The following HECW1 variants were observed in gnomAD, a reference collection of about 807,000 sequenced individuals.
HECW1 encodes the protein E3 ubiquitin-protein ligase HECW1.
HECW1 carries 61 observed loss-of-function variants against 182.3 expected under a neutral mutation model. The ratio of observed to expected loss-of-function variants is 0.33; its 90% confidence interval spans 0.27 to 0.41. The LOEUF is 0.41. Among genes scored for constraint, HECW1 ranks in the 10% least tolerant of loss-of-function variants. The probability of loss-of-function intolerance (pLI) is 1.00; values close to 1 mark genes in which losing one functional copy is unlikely to be tolerated. For missense variants in HECW1, 1,739 were observed against 2,108.9 expected, an observed-to-expected ratio of 0.82 and a Z score of 3.44; for synonymous variants, 859 against 832.6, an observed-to-expected ratio of 1.03 and a Z score of -0.55.
chr7:43,426,753 G>A (rs1189108524), intron 8 of HECW1, among the ~76,000 whole-genome samples: 2 of 152,036 alleles, frequency 1.3e-5, no homozygotes, highest in Non-Finnish European at 2.9e-5. Flanking sequence ...GTTACATGAT[G>A]TTTGATTATC....
At chr7:43,222,361 G>T (rs1327981280) in intron 2 of HECW1, among the ~76,000 whole-genome samples, 1 of 152,150 alleles carries the variant, frequency 6.6e-6, no homozygotes, top group Non-Finnish European at 1.5e-5. Context: ...ATCTTTCAAA[G>T]ATTATGCAAA....
At position 43,432,233 on chromosome 7, in the gene HECW1, G is replaced by A. The variant is rs1426275296; in HGVS notation, c.802-5770G>A. 1.3e-5 allele frequency among the ~76,000 whole-genome samples: 2 copies of A among 148,998 alleles called. No homozygotes were observed. Among genetic ancestry groups the A allele is most frequent in the East Asian group, 2.0e-4 (1 of 5,054 alleles). ...CGGCTCACTGCAAGCTCCGCCTCCC[G>A]GGTTCACGCCATTCTCCTGCCTCAG... On this transcript the variant is annotated intron_variant, in intron 8 of 29. Coordinates refer to ENST00000395891, the MANE Select transcript of HECW1 (RefSeq NM_015052.5). This position sits in a 1 kb window ranked among gnomAD's most constrained non-coding sequence, Gnocchi z 4.1.
At chr7:43,490,172 G>GTATACT (rs1470560955) in intron 17 of HECW1, among the ~76,000 whole-genome samples, 1 of 152,182 alleles carries the variant, frequency 6.6e-6, no homozygotes, top group Non-Finnish European at 1.5e-5. Context: ...GCAACAAAGG[G>GTATACT]TTGAGTCTCA....
intron 2 of HECW1, among the ~76,000 whole-genome samples, chr7:43,144,635 G>C (rs1788505872): frequency 6.6e-6 from 1 of 152,128 alleles, no homozygotes; most frequent in African/African-American, 2.4e-5. Context: ...TGACTTGTGT[G>C]TCCCTTTGAT....
intron 1 of HECW1, chr7:43,113,536 T>C: frequency 5.8e-6 from 1 of 172,874 alleles, no homozygotes; most frequent in Non-Finnish European, 1.2e-5. Context: ...GTGTGGGTGC[T>C]CCCCCAGCGC....
At chr7:43,162,112 T>G (rs999792605) in intron 2 of HECW1, among the ~76,000 whole-genome samples, 8 of 152,256 alleles carry the variant, frequency 5.3e-5, no homozygotes, top group Non-Finnish European at 1.2e-4. Flanking sequence ...TATCCATTAG[T>G]GTGTCTTATC....
intron 3 of HECW1, among the ~76,000 whole-genome samples, chr7:43,285,039 T>C (rs112723902): frequency 2.6e-5 from 4 of 151,780 alleles, no homozygotes; most frequent in Non-Finnish European, 5.9e-5. Flanking sequence ...TTTGAATTTA[T>C]TAAGTGTAGT....
At chr7:43,359,282 C>A (rs1815562113) in intron 5 of HECW1, among the ~76,000 whole-genome samples, 1 of 152,092 alleles carries the variant, frequency 6.6e-6, no homozygotes, top group Admixed American at 6.5e-5. Context: ...AGGGAGGCTG[C>A]AAAATGTAGT....
At chr7:43,197,805 C>T (rs1794609088) in intron 2 of HECW1, among the ~76,000 whole-genome samples, 1 of 152,016 alleles carries the variant, frequency 6.6e-6, no homozygotes, top group South Asian at 2.1e-4. Flanking sequence ...TGCGGGACAG[C>T]TTGTGCAAAA....
intron 3 of HECW1, among the ~76,000 whole-genome samples, chr7:43,254,270 A>C (rs1025160975): frequency 1.3e-5 from 2 of 152,202 alleles, no homozygotes; most frequent in Admixed American, 6.5e-5. Context: ...CCAGTGGAGA[A>C]TCAATGACCA....
At chr7:43,213,610 T>C (rs1189344360) in intron 2 of HECW1, among the ~76,000 whole-genome samples, 1 of 151,938 alleles carries the variant, frequency 6.6e-6, no homozygotes, top group Admixed American at 6.6e-5. Context: ...CATGCCCAGC[T>C]AATTTTTTGT....
At chr7:43,461,097 C>T (rs1194629095) in intron 13 of HECW1, among the ~76,000 whole-genome samples, 1 of 152,252 alleles carries the variant, frequency 6.6e-6, no homozygotes, top group Non-Finnish European at 1.5e-5. Context: ...AACGTAGTGG[C>T]ATAAAACAAC....
At chr7:43,150,999 C>T (rs1789258935) in intron 2 of HECW1, 1 of 155,026 alleles carries the variant, frequency 6.5e-6, no homozygotes, top group South Asian at 2.0e-4. Flanking sequence ...CTGGACAGGC[C>T]TCCAGCTAAC....
chr7:43,117,689 A>G (rs1359317976), intron 2 of HECW1, among the ~76,000 whole-genome samples: 1 of 152,192 alleles, frequency 6.6e-6, no homozygotes, highest in African/African-American at 2.4e-5. Flanking sequence ...GCAAAGCAGC[A>G]TATTAGCAAT....
intron 2 of HECW1, among the ~76,000 whole-genome samples, chr7:43,223,389 G>C (rs372695838): frequency 6.6e-6 from 1 of 152,144 alleles, no homozygotes; most frequent in East Asian, 1.9e-4. Flanking sequence ...AGGCTGAGGC[G>C]GGCAGATCAC....
chr7:43,444,506 T>G lies in HECW1; in HGVS notation c.1334T>G (p.Val445Gly), dbSNP rs1584926681. The part of the protein sequence containing the change: ...PEGAGELLAQ[V>G]QKDIQPAPSA... The stretch of plus-strand genomic sequence containing the variant: ...GGGGCTGGGGAGCTCCTGGCCCAGG[T>G]GCAAAAGGACATCCAGCCTGCCCCC... The change falls in exon 11 of 30, where the codon GTG becomes GGG. Residue 445 changes from valine (V) to glycine (G), a missense_variant. By Grantham distance (109) the Val-to-Gly change is moderately radical. This residue lies in a region of HECW1 where 971 missense variants were observed against 1,029.1 expected (regional missense o/e 0.94). Transcript: ENST00000395891. This position sits in a 1 kb window ranked among gnomAD's most constrained non-coding sequence, Gnocchi z 4.3. 1 of 1,611,740 alleles carries G rather than the reference T, an allele frequency of 6.2e-7. No homozygotes were observed. Among genetic ancestry groups the G allele is most frequent in the South Asian group, 1.1e-5 (1 of 90,724 alleles).
intron 13 of HECW1, among the ~76,000 whole-genome samples, chr7:43,458,331 A>T (rs970743094): frequency 3.9e-5 from 6 of 152,224 alleles, no homozygotes; most frequent in Admixed American, 3.9e-4. Flanking sequence ...TCTGAAGCAG[A>T]AGGAAGCACC....
At chr7:43,192,495 A>G (rs911707927) in intron 2 of HECW1, among the ~76,000 whole-genome samples, 1 of 150,130 alleles carries the variant, frequency 6.7e-6, no homozygotes, top group Non-Finnish European at 1.5e-5. Flanking sequence ...ATATGTATCA[A>G]TAAAAATGAC....
rs201449657 is a variant in HECW1, at chr7:43,544,597, G to A, written c.4248+2599G>A. Among the ~76,000 whole-genome samples, 92 of 30,492 alleles carry A rather than the reference G, an allele frequency of 3.0e-3. 1 individual carries two copies. The highest frequency in any genetic ancestry group is 9.4e-3 in the African/African-American group (82 of 8,706). The allele number at this position is 30,492 out of a possible 152,430, so 20.0% of individuals were successfully genotyped here. A position where few individuals can be genotyped will look rare whatever the true frequency, so the allele number is the denominator to read the frequency against. On this transcript the variant is annotated intron_variant, in intron 26 of 29. Coordinates refer to ENST00000395891, the MANE Select transcript of HECW1 (RefSeq NM_015052.5). ...ATCACATGCCTTTGACTCAGCACAC[G>A]TCTAGAAATTTGTCCTACCGATACA... is the stretch of plus-strand genomic sequence containing the variant.
Sources: allele counts gnomAD v4.1 joint callset (sites outside exome capture counted in the v4.1 genomes callset), GRCh38; gene constraint gnomAD v4.1.1; regional missense constraint gnomAD v4.1.1; non-coding constraint Gnocchi (gnomAD v3.1); transcripts MANE v1.5; gene names NCBI Gene and HGNC (gene_info 2026-07-23, HGNC 2026-07-21).